The following PALMD variants were observed in gnomAD, a reference collection of about 807,000 sequenced individuals.
PALMD encodes the protein palmdelphin.
In PALMD, 42 loss-of-function variants were observed where a neutral mutation model predicts 56.2. The observed-to-expected ratio is 0.75, with a 90% CI of 0.58 to 0.97. The LOEUF (loss-of-function observed/expected upper bound fraction) is 0.97, where lower values mean the gene tolerates loss of function less well. Ranked by LOEUF, PALMD falls within the 50% of genes least tolerant of loss-of-function variation. The pLI is 0.00. For synonymous variants in PALMD, 242 were observed against 222.9 expected, an observed-to-expected ratio of 1.09 and a Z score of -0.76; for missense variants, 660 against 643.8, an observed-to-expected ratio of 1.03 and a Z score of -0.27.
chr1:99,684,544 C>A (rs112936959), intron 3 of PALMD: 12,336 of 152,150 alleles, frequency 0.081, 1,086 homozygotes, highest in African/African-American at 0.22. Flanking sequence ...TGTTTGTTAG[C>A]CCAGATCTCA....
intron 1 of PALMD, among the ~76,000 whole-genome samples, chr1:99,659,772 C>T (rs1195229749): frequency 6.6e-6 from 1 of 152,134 alleles, no homozygotes; most frequent in Non-Finnish European, 1.5e-5. Context: ...AAAAGTATGC[C>T]TATCTTAAAA....
chr1:99,660,077 T>C (rs1652812728), intron 1 of PALMD, among the ~76,000 whole-genome samples: 1 of 152,192 alleles, frequency 6.6e-6, no homozygotes, highest in Admixed American at 6.5e-5. Context: ...CAAAACATGC[T>C]CTTCTCTATG....
At chr1:99,652,659 A>G (rs28508456) in intron 1 of PALMD, among the ~76,000 whole-genome samples, 2 of 122,302 alleles carry the variant, frequency 1.6e-5, no homozygotes, top group South Asian at 2.9e-4. Flanking sequence ...AAGAAAGAAA[A>G]GAAAGGAAAG....
In PALMD at chr1:99,688,764, T is replaced by C; in HGVS notation, c.515-11T>C. The C allele has an allele frequency of 6.5e-7, 1 of 1,543,670 alleles. No individual in the cohort carries two copies. Among genetic ancestry groups the C allele is most frequent in the Non-Finnish European group, 8.7e-7 (1 of 1,144,520 alleles). Reference sequence around the variant, plus strand: ...TTAACTAAATCAAAGATCAAATTTGTTTCTTAACAGCTTTATATGCCATGG... The same window carrying C: ...TTAACTAAATCAAAGATCAAATTTGCTTCTTAACAGCTTTATATGCCATGG... On this transcript the variant is annotated splice_polypyrimidine_tract_variant and intron_variant, in intron 6 of 7. Transcript: ENST00000263174.
intron 3 of PALMD, among the ~76,000 whole-genome samples, chr1:99,678,183 G>A (rs1368114460): frequency 4.0e-5 from 6 of 150,400 alleles, no homozygotes; most frequent in East Asian, 2.0e-4. Flanking sequence ...AACTCACTGC[G>A]ACCTCTGCCT....
At position 99,689,588 on chromosome 1, in the gene PALMD, A is replaced by G; in HGVS notation, c.1328A>G (p.Glu443Gly). The change falls in exon 7 of 8, where the codon GAG becomes GGG. Residue 443 changes from glutamate to glycine, a missense_variant. Physicochemically the swap from Glu to Gly is moderately conservative, Grantham distance 98. Coordinates refer to ENST00000263174, the MANE Select transcript of PALMD (RefSeq NM_017734.5). The stretch of plus-strand genomic sequence containing the variant: ...GGATATGATGGGATCATCCATGCTG[A>G]GCTGGTTGTGATTGATGATGAGGAG... The part of the protein sequence containing the change: ...LTGYDGIIHA[E>G]LVVIDDEEEE... 1.2e-6 allele frequency: 2 copies of G among 1,613,860 alleles called. No homozygotes were observed. The highest frequency in any genetic ancestry group is 2.2e-5 in the East Asian group (1 of 44,868).
At chr1:99,692,135 C>G (rs573123871) in intron 7 of PALMD, among the ~76,000 whole-genome samples, 72 of 152,316 alleles carry the variant, frequency 4.7e-4, no homozygotes, top group African/African-American at 1.7e-3. Flanking sequence ...GAACTCACTG[C>G]TACCCCTACC....
At chr1:99,651,056 C>T (rs1221391646) in intron 1 of PALMD, among the ~76,000 whole-genome samples, 1 of 152,180 alleles carries the variant, frequency 6.6e-6, no homozygotes, top group Non-Finnish European at 1.5e-5. Context: ...TTGTCAGGAG[C>T]TTCCAAAGAA....
chr1:99,665,839 A>T (rs914634401), intron 2 of PALMD, among the ~76,000 whole-genome samples: 1 of 152,218 alleles, frequency 6.6e-6, no homozygotes, highest in Non-Finnish European at 1.5e-5. Context: ...AGAGTTTCTT[A>T]GCATCTTTGA....
rs1015867946 is a variant in PALMD, at chr1:99,653,293, G to A, written c.45+6931G>A. Among the ~76,000 whole-genome samples the A allele has an allele frequency of 1.1e-4, 17 of 152,208 alleles. No individual in the cohort carries two copies. In the South Asian group the frequency reaches 1.2e-3, roughly 11 times the overall value. ...ACAGATTTTTTTTCACTGAAGACCCGGCCAAATTTACCATCACCCCTTGAT... is the reference window on the plus strand; with the variant it reads ...ACAGATTTTTTTTCACTGAAGACCCAGCCAAATTTACCATCACCCCTTGAT... On this transcript the variant is annotated intron_variant, in intron 1 of 7. Coordinates refer to ENST00000263174, the MANE Select transcript of PALMD (RefSeq NM_017734.5).
intron 7 of PALMD, among the ~76,000 whole-genome samples, chr1:99,692,961 T>G (rs138596920): frequency 6.6e-6 from 1 of 152,216 alleles, no homozygotes; most frequent in African/African-American, 2.4e-5. Flanking sequence ...AATAATGCTC[T>G]TTAGCTTCAT....
chr1:99,689,391 G>A lies in PALMD; in HGVS notation c.1131G>A (p.Gly377=). The A allele has an allele frequency of 6.2e-7, 1 of 1,613,786 alleles. No individual in the cohort carries two copies. Among genetic ancestry groups the A allele is most frequent in the African/African-American group, 1.3e-5 (1 of 75,004 alleles). The change falls in exon 7 of 8, where the codon GGG becomes GGA. Residue 377 remains glycine, a synonymous_variant. Transcript: ENST00000263174. ...PRLSPRETIF[G]KSEHQNSSPT... is the part of the protein sequence containing the mutation. ...TGAGCCCCAGAGAGACAATATTTGGGAAATCTGAACACCAGAATTCTTCAC... is the reference window on the plus strand; with the variant it reads ...TGAGCCCCAGAGAGACAATATTTGGAAAATCTGAACACCAGAATTCTTCAC...
intron 3 of PALMD, among the ~76,000 whole-genome samples, chr1:99,680,216 C>T (rs533092111): frequency 6.6e-6 from 1 of 152,028 alleles, no homozygotes; most frequent in African/African-American, 2.4e-5. Context: ...TTTTCCAAGA[C>T]AAAAAATTGC....
chr1:99,663,163 A>T (rs976763869), intron 2 of PALMD, among the ~76,000 whole-genome samples: 4 of 152,208 alleles, frequency 2.6e-5, no homozygotes, highest in Non-Finnish European at 5.9e-5. Flanking sequence ...TACAAATTTA[A>T]GTTAAACTTG....
intron 1 of PALMD, among the ~76,000 whole-genome samples, chr1:99,649,139 A>C (rs914785650): frequency 6.6e-6 from 1 of 152,220 alleles, no homozygotes; most frequent in Non-Finnish European, 1.5e-5. Context: ...ATTCTATTTT[A>C]CACAATTACT....
At chr1:99,684,928 T>G (rs1653453114) in intron 3 of PALMD, 1 of 152,204 alleles carries the variant, frequency 6.6e-6, no homozygotes, top group Non-Finnish European at 1.5e-5. Flanking sequence ...GGCCCTGATG[T>G]GCAAGAGCTG....
rs531820989 is a variant in PALMD, at chr1:99,656,739, C to A, written c.46-5580C>A. Reference sequence around the variant, plus strand: ...GAGTTAGTGAGAACTAAAAAGAGCCCAGGACTGAGAATTAAGAAGATCTTC... The same window carrying A: ...GAGTTAGTGAGAACTAAAAAGAGCCAAGGACTGAGAATTAAGAAGATCTTC... On this transcript the variant is annotated intron_variant, in intron 1 of 7. Coordinates refer to ENST00000263174, the MANE Select transcript of PALMD (RefSeq NM_017734.5). 2.2e-4 allele frequency among the ~76,000 whole-genome samples: 34 copies of A among 152,216 alleles called. 1 individual carries two copies. The highest frequency in any genetic ancestry group is 7.5e-4 in the African/African-American group (31 of 41,544).
chr1:99,665,421 T>C (rs1652940424), intron 2 of PALMD, among the ~76,000 whole-genome samples: 1 of 152,210 alleles, frequency 6.6e-6, no homozygotes, highest in Admixed American at 6.5e-5. Context: ...GATTGCATCA[T>C]ATATCATTTT....
chr1:99,686,987 T>A, intron 5 of PALMD, 24 bp downstream of exon 5: 1 of 1,547,036 alleles, frequency 6.5e-7, no homozygotes, highest in Non-Finnish European at 8.9e-7. Flanking sequence ...TAACTTATTT[T>A]ATGTTAAACT....
Sources: gnomAD v4.1 joint callset for allele counts (sites outside exome capture counted in the v4.1 genomes callset) on GRCh38, gnomAD v4.1.1 for gene constraint, MANE v1.5 for transcripts, NCBI Gene and HGNC (gene_info 2026-07-23, HGNC 2026-07-21) for gene names.